The following SMYD1 variants were observed in gnomAD, a reference collection of about 807,000 sequenced individuals.
The protein encoded by SMYD1 is histone-lysine N-methyltransferase SMYD1.
SMYD1 carries 49 observed loss-of-function variants against 54.0 expected under a neutral mutation model. That is an observed-to-expected ratio of 0.91 (90% CI 0.72 to 1.15). SMYD1 has a LOEUF of 1.15. SMYD1 is among the 50% of genes most tolerant of loss of function. The probability of loss-of-function intolerance (pLI) is 0.00; values close to 1 mark genes in which losing one functional copy is unlikely to be tolerated. For synonymous variants in SMYD1, 269 were observed against 234.2 expected (o/e 1.15, Z -1.36); for missense variants, 653 against 639.6 (o/e 1.02, Z -0.23).
Position 88,110,688 on chromosome 2 carries a change from C to A in SMYD1, c.*176C>A. 2 of 712,224 alleles carry A rather than the reference C, an allele frequency of 2.8e-6. No homozygotes were observed. The highest frequency in any genetic ancestry group is 4.3e-6 in the Non-Finnish European group (2 of 463,464). 44.1% of individuals were successfully genotyped at this position (712,224 alleles called of 1,614,324 possible). A position where few individuals can be genotyped will look rare whatever the true frequency, so the allele number is the denominator to read the frequency against. On this transcript the variant is annotated 3_prime_UTR_variant, in exon 10 of 10. Coordinates refer to ENST00000419482, the MANE Select transcript of SMYD1 (RefSeq NM_198274.4). ...CATTTTGGCTCAATTCAAGTCTATT[C>A]AATTCAAGTTAACTCTAGCCCAGCC... is the stretch of plus-strand genomic sequence containing the variant.
intron 5 of SMYD1, 40 bp downstream of exon 5, chr2:88,093,595 A>C (rs1674511241): frequency 1.2e-6 from 2 of 1,609,610 alleles, no homozygotes; most frequent in East Asian, 4.5e-5. Context: ...CCTCTGACCC[A>C]TCTCCCTCAC....
chr2:88,098,339 T>G (rs983958831), intron 6 of SMYD1, among the ~76,000 whole-genome samples: 9 of 152,250 alleles, frequency 5.9e-5, no homozygotes, highest in African/African-American at 2.2e-4. Context: ...ATGTGTGGCC[T>G]TTAGTTCCCA....
Position 88,069,894 on chromosome 2 carries a change from C to T in SMYD1, c.137+1893C>T, listed in dbSNP as rs191093396. ...TCAGAGACATAGTACTTAAGGGCTA[C>T]GTCTTCTTCTATTACCTGCTGATGA... On this transcript the variant is annotated intron_variant, in intron 1 of 9. Coordinates refer to ENST00000419482, the MANE Select transcript of SMYD1 (RefSeq NM_198274.4). 4.6e-5 allele frequency among the ~76,000 whole-genome samples: 7 copies of T among 152,250 alleles called. No homozygotes were observed. In the East Asian group the frequency reaches 5.8e-4, roughly 13 times the overall value.
rs768196637 is a variant in SMYD1, at chr2:88,084,435, A to G, written c.257A>G (p.His86Arg). 5.4e-5 allele frequency: 87 copies of G among 1,606,860 alleles called. No individual in the cohort carries two copies. Among genetic ancestry groups the G allele is most frequent in the Non-Finnish European group, 7.2e-5 (85 of 1,174,264 alleles). Residue 86 changes from histidine to arginine, a missense_variant, in exon 2 of 10, where the codon CAC becomes CGC. His to Arg is a conservative substitution (Grantham distance 29). Coordinates refer to ENST00000419482, the MANE Select transcript of SMYD1 (RefSeq NM_198274.4). ...RTCQKDAWLN[H>R]KNECSAIKRY... ...TGCCAGAAGGATGCTTGGCTGAACC[A>G]CAAGAATGAATGTTCGGCCATCAAG...
intron 6 of SMYD1, 55 bp from the exon 7 acceptor site, chr2:88,103,003 T>C (rs1674755638): frequency 1.4e-6 from 2 of 1,383,116 alleles, no homozygotes; most frequent in East Asian, 4.6e-5. Context: ...TATTCAAAGG[T>C]GGAATGGGTT....
intron 7 of SMYD1, among the ~76,000 whole-genome samples, chr2:88,104,647 C>T (rs918459758): frequency 6.6e-6 from 1 of 152,238 alleles, no homozygotes; most frequent in Non-Finnish European, 1.5e-5. Context: ...TCCCCGCCAC[C>T]TCGGGGTGGC....
rs143824756 is a variant in SMYD1 at position 88,105,158 on chromosome 2, A to G, written c.982-1167A>G. On this transcript the variant is annotated intron_variant, in intron 7 of 9. Transcript: ENST00000419482. Reference sequence around the variant, plus strand: ...TTTCAGATGTTTCCAAAGCACAGTGAGTGGAGAATCACAGGAATGGTGGTG... The same window carrying G: ...TTTCAGATGTTTCCAAAGCACAGTGGGTGGAGAATCACAGGAATGGTGGTG... 1.1e-4 allele frequency among the ~76,000 whole-genome samples: 17 copies of G among 152,288 alleles called. 1 individual carries two copies. In the East Asian group the frequency reaches 3.3e-3, roughly 29 times the overall value.
chr2:88,075,265 G>T (rs1477287843), intron 1 of SMYD1, among the ~76,000 whole-genome samples: 1 of 152,156 alleles, frequency 6.6e-6, no homozygotes, highest in African/African-American at 2.4e-5. Context: ...AGAAGTCTGA[G>T]AATGATTGCC....
intron 4 of SMYD1, among the ~76,000 whole-genome samples, chr2:88,092,321 G>A (rs1674480916): frequency 6.6e-6 from 1 of 152,180 alleles, no homozygotes; most frequent in Non-Finnish European, 1.5e-5. Context: ...AAATGGAGAA[G>A]AATCAGCAGA....
chr2:88,103,227 G>A (rs146097128), intron 7 of SMYD1, 77 bp downstream of exon 7: 326 of 1,191,078 alleles, frequency 2.7e-4, no homozygotes, highest in African/African-American at 2.7e-3. Flanking sequence ...GGGAAGTGGC[G>A]TGAGAACGGG....
chr2:88,092,062 G>A (rs1388550929), intron 4 of SMYD1, among the ~76,000 whole-genome samples: 1 of 152,178 alleles, frequency 6.6e-6, no homozygotes, highest in Non-Finnish European at 1.5e-5. Flanking sequence ...CTCAGCTGTG[G>A]CTTATAACTG....
At chr2:88,089,103 G>T (rs1034658587) in intron 3 of SMYD1, among the ~76,000 whole-genome samples, 55 of 152,316 alleles carry the variant, frequency 3.6e-4, no homozygotes, top group African/African-American at 1.3e-3. Context: ...TCCAAAATCT[G>T]CAAGGTAGGC....
At position 88,086,579 on chromosome 2, in the gene SMYD1, C is replaced by T. The variant is rs577573447; in HGVS notation, c.315-1283C>T. 8.8e-3 allele frequency among the ~76,000 whole-genome samples: 1,340 copies of T among 152,328 alleles called. 7 individuals are homozygous for T. Among genetic ancestry groups the T allele is most frequent in the Non-Finnish European group, 0.012 (817 of 68,032 alleles). On this transcript the variant is annotated intron_variant, in intron 2 of 9. Coordinates refer to ENST00000419482, the MANE Select transcript of SMYD1 (RefSeq NM_198274.4). The stretch of plus-strand genomic sequence containing the variant: ...GAGCCCCGCTCCGGCCAGGCCAGGC[C>T]CCTCCCTGCTTCCTGCACGTGGCAT...
chr2:88,069,169 G>A (rs1183140786), intron 1 of SMYD1, among the ~76,000 whole-genome samples: 1 of 152,174 alleles, frequency 6.6e-6, no homozygotes, highest in Non-Finnish European at 1.5e-5. Flanking sequence ...CTGAGATCAA[G>A]GTTGGGGTGA....
intron 2 of SMYD1, 132 bp downstream of exon 2, chr2:88,084,624 T>C (rs1674279782): frequency 6.3e-6 from 5 of 796,672 alleles, no homozygotes; most frequent in African/African-American, 3.4e-5. Flanking sequence ...AGACTGGATA[T>C]GGTCACTTCT....
intron 1 of SMYD1, 145 bp from the exon 2 acceptor site, chr2:88,084,171 T>G (rs1674264525): frequency 1.6e-6 from 1 of 625,926 alleles, no homozygotes; most frequent in African/African-American, 1.8e-5. Flanking sequence ...AGGCTCAAAC[T>G]CCTCATTTTG....
rs140170852 is a variant in SMYD1, at chr2:88,103,128, G to A, written c.959G>A (p.Arg320His). The A allele has an allele frequency of 1.1e-4, 177 of 1,613,710 alleles. 1 individual carries two copies. Among genetic ancestry groups the A allele is most frequent in the Non-Finnish European group, 1.4e-4 (167 of 1,179,804 alleles). The change falls in exon 7 of 10, where the codon CGT (arginine) becomes CAT (histidine). Residue 320 changes from arginine (R) to histidine (H), a missense_variant. Arg to His is a conservative substitution (Grantham distance 29). Coordinates refer to ENST00000419482, the MANE Select transcript of SMYD1 (RefSeq NM_198274.4). ...ACATTGGAAAAGATAGACAAGGCTC[G>A]TTCCGAGGGTTTGTATCATGAGGTA... ...KDTLEKIDKA[R>H]SEGLYHEVVK...
At chr2:88,088,849 A>G (rs1327880474) in intron 3 of SMYD1, among the ~76,000 whole-genome samples, 1 of 152,160 alleles carries the variant, frequency 6.6e-6, no homozygotes, top group Non-Finnish European at 1.5e-5. Flanking sequence ...AGACGAGGCC[A>G]TAAGAGTCCG....
intron 1 of SMYD1, among the ~76,000 whole-genome samples, chr2:88,081,715 T>C (rs1674199930): frequency 6.6e-6 from 1 of 152,166 alleles, no homozygotes; most frequent in South Asian, 2.1e-4. Flanking sequence ...GGATTACAGG[T>C]GTGAGCCACT....
Sources: allele counts gnomAD v4.1 joint callset (sites outside exome capture counted in the v4.1 genomes callset), GRCh38; gene constraint gnomAD v4.1.1; transcripts MANE v1.5; gene names NCBI Gene and HGNC (gene_info 2026-07-23, HGNC 2026-07-21).